Variants in IFFO1 observed in about 807,000 individuals in gnomAD.
IFFO1 encodes the protein non-homologous end joining factor IFFO1.
IFFO1 carries 42 observed loss-of-function variants against 59.6 expected under a neutral mutation model. The observed-to-expected ratio is 0.70, with a 90% CI of 0.55 to 0.91. The LOEUF (loss-of-function observed/expected upper bound fraction) is 0.91, where lower values mean the gene tolerates loss of function less well. IFFO1 is among the 40% of genes least tolerant of loss of function. The pLI is 0.00. For synonymous variants in IFFO1, 336 were observed against 342.8 expected (o/e 0.98, Z 0.22); for missense variants, 711 against 793.2 (o/e 0.90, Z 1.24).
rs756409183 is a variant in IFFO1 at position 6,555,775 on chromosome 12, G to C, written c.255C>G (p.Arg85=). ...NVLKTLNLRF[R]CFLAKVHELE... ...GCTCATGCACCTTGGCCAGGAAGCAGCGGAACCGGAGGTTCAGGGTCTTGA... is the reference window on the plus strand; with the variant it reads ...GCTCATGCACCTTGGCCAGGAAGCACCGGAACCGGAGGTTCAGGGTCTTGA... Residue 85 remains arginine, a synonymous_variant, in exon 1 of 10, where the codon CGC becomes CGG. Transcript: ENST00000619571. The surrounding 1 kb of genome is among the most constrained non-coding windows in gnomAD (Gnocchi z 8.6). 1 of 1,613,256 alleles carries C rather than the reference G, an allele frequency of 6.2e-7. No individual in the cohort carries two copies. Among genetic ancestry groups the C allele is most frequent in the South Asian group, 1.1e-5 (1 of 91,042 alleles).
chr12:6,553,084 G>T (rs528025781), intron 1 of IFFO1, among the ~76,000 whole-genome samples: 2 of 152,288 alleles, frequency 1.3e-5, no homozygotes, highest in East Asian at 3.9e-4. Context: ...ACCTCCCAGT[G>T]TAGCGCTCAA....
intron 8 of IFFO1, among the ~76,000 whole-genome samples, chr12:6,545,847 G>A (rs1470058399): frequency 4.6e-5 from 7 of 152,182 alleles, no homozygotes; most frequent in African/African-American, 1.7e-4. Flanking sequence ...GGCAGTGCCC[G>A]TGTTCAAGGA....
chr12:6,549,787 C>T lies in IFFO1; in HGVS notation c.1040G>A (p.Arg347His), dbSNP rs775415991. 8 of 1,613,926 alleles carry T rather than the reference C, an allele frequency of 5.0e-6. No homozygotes were observed. In the African/African-American group the frequency reaches 5.3e-5, roughly 11 times the overall value. Residue 347 changes from arginine (R) to histidine (H), a missense_variant, in exon 4 of 10, where the codon CGC becomes CAC. Arg to His is a conservative substitution (Grantham distance 29). Around this residue, in one of 3 missense-constraint regions of IFFO1, gnomAD observed 579 missense variants for 650.3 expected, o/e 0.89. Coordinates refer to ENST00000619571, the MANE Select transcript of IFFO1 (RefSeq NM_001193457.2). This position sits in a 1 kb window ranked among gnomAD's most constrained non-coding sequence, Gnocchi z 5.0. ...CATCTGGATCATGTCCTCGCAGTTG[C>T]GCTGCTGAGCCACATCGCAGAGCTT... Reference protein sequence around the residue: ...TAKLCDVAQQRNCEDMIQMFQ... With the variant: ...TAKLCDVAQQHNCEDMIQMFQ...
chr12:6,549,613 C>T lies in IFFO1; in HGVS notation c.1072-129G>A. On this transcript the variant is annotated intron_variant, in intron 4 of 9. Coordinates refer to ENST00000619571, the MANE Select transcript of IFFO1 (RefSeq NM_001193457.2). This position sits in a 1 kb window ranked among gnomAD's most constrained non-coding sequence, Gnocchi z 5.0. ...TGCCCCTCCTGATGCTGCTCCTTAC[C>T]CCCCAGTCTAGCCCCGTGAGGGCCC... 1 of 1,355,666 alleles carries T rather than the reference C, an allele frequency of 7.4e-7. No homozygotes were observed. The highest frequency in any genetic ancestry group is 1.0e-6 in the Non-Finnish European group (1 of 961,068). 84.0% of individuals were successfully genotyped at this position (1,355,666 alleles called of 1,614,324 possible).
At position 6,550,796 on chromosome 12, in the gene IFFO1, G is replaced by A. The variant is rs751851967; in HGVS notation, c.835-6C>T. On this transcript the variant is annotated splice_polypyrimidine_tract_variant and splice_region_variant and intron_variant, in intron 2 of 9. Coordinates refer to ENST00000619571, the MANE Select transcript of IFFO1 (RefSeq NM_001193457.2). ...GCATCAGCCTCCTGGGCTTCCTGCAGTTGGGAGAAACCCTGATGTTGGTGG... is the reference window on the plus strand; with the variant it reads ...GCATCAGCCTCCTGGGCTTCCTGCAATTGGGAGAAACCCTGATGTTGGTGG... The A allele has an allele frequency of 6.2e-6, 10 of 1,613,724 alleles. No homozygotes were observed. The highest frequency in any genetic ancestry group is 2.2e-5 in the East Asian group (1 of 44,872).
At chr12:6,550,318 C>T (rs1002065954) in intron 3 of IFFO1, 1 of 380,168 alleles carries the variant, frequency 2.6e-6, no homozygotes, top group Non-Finnish European at 4.8e-6. Context: ...GGCACTGTCC[C>T]GAGTACATGA....
At position 6,555,491 on chromosome 12, in the gene IFFO1, G is replaced by T; in HGVS notation, c.539C>A (p.Ser180Tyr). 1 of 1,607,264 alleles carries T rather than the reference G, an allele frequency of 6.2e-7. No homozygotes were observed. Among genetic ancestry groups the T allele is most frequent in the Middle Eastern group, 1.7e-4 (1 of 5,994 alleles). Residue 180 changes from serine (S) to tyrosine (Y), a missense_variant, in exon 1 of 10, where the codon TCC (serine) becomes TAC (tyrosine). Transcript: ENST00000619571. This position sits in a 1 kb window ranked among gnomAD's most constrained non-coding sequence, Gnocchi z 8.6. Reference protein sequence around the residue: ...SAASLSSSSTSTSTTYSSSAR... With the variant: ...SAASLSSSSTYTSTTYSSSAR... ...CGACGAGGAATAGGTGGTGGAGGTG[G>T]AGGTGGAGGACGACGAGAGGCTGGC...
intron 8 of IFFO1, among the ~76,000 whole-genome samples, chr12:6,544,050 C>T (rs551220255): frequency 2.6e-5 from 4 of 152,252 alleles, no homozygotes; most frequent in East Asian, 1.9e-4. Context: ...TCATTTCCCC[C>T]GGGTCAGTGG....
In IFFO1 at chr12:6,548,604, G is replaced by A. The variant is rs1047584227; in HGVS notation, c.1263-59C>T. On this transcript the variant is annotated intron_variant, in intron 6 of 9. Coordinates refer to ENST00000619571, the MANE Select transcript of IFFO1 (RefSeq NM_001193457.2). The surrounding 1 kb of genome is among the most constrained non-coding windows in gnomAD (Gnocchi z 6.1). ...GGGGCCTCGTCCTGGCGGGGGACTG[G>A]GGAGCTCCGGCCTCCTGGGCTGCTG... 4 of 1,613,560 alleles carry A rather than the reference G, an allele frequency of 2.5e-6. No homozygotes were observed. The Admixed American group carries it at 6.7e-5, about 27-fold the overall frequency.
chr12:6,540,073 T>C lies in IFFO1; in HGVS notation c.*410A>G. ...CCAGCTGCATTCTATTCCACTCCAG[T>C]GCCTGGGCCAGTTAGCACCAGTGTG... On this transcript the variant is annotated 3_prime_UTR_variant, in exon 10 of 10. Coordinates refer to ENST00000619571, the MANE Select transcript of IFFO1 (RefSeq NM_001193457.2). 1 of 261,382 alleles carries C rather than the reference T, an allele frequency of 3.8e-6. No homozygotes were observed. The highest frequency in any genetic ancestry group is 7.5e-6 in the Non-Finnish European group (1 of 132,514). The allele number at this position is 261,382 out of a possible 1,614,324, so 16.2% of individuals were successfully genotyped here.
rs972564952 is a variant in IFFO1 at position 6,548,165 on chromosome 12, A to T, written c.1384-5T>A. On this transcript the variant is annotated splice_region_variant and splice_polypyrimidine_tract_variant and intron_variant, in intron 7 of 9. Coordinates refer to ENST00000619571, the MANE Select transcript of IFFO1 (RefSeq NM_001193457.2). The surrounding 1 kb of genome is among the most constrained non-coding windows in gnomAD (Gnocchi z 6.1). ...CTCCAGGCTATCTTCCTGCTGCTGG[A>T]GTAGAAAGGGAAGCGGGGGAGGCCA... 1 of 1,613,030 alleles carries T rather than the reference A, an allele frequency of 6.2e-7. No individual in the cohort carries two copies. Among genetic ancestry groups the T allele is most frequent in the Admixed American group, 1.7e-5 (1 of 59,998 alleles).
At chr12:6,540,633 C>T in intron 9 of IFFO1, 45 bp from the exon 10 acceptor site, 1 of 1,510,656 alleles carries the variant, frequency 6.6e-7, no homozygotes, top group Non-Finnish European at 9.2e-7. Context: ...GGCAGGAATC[C>T]TGAAGACGGA....
At chr12:6,545,638 C>T (rs916808051) in intron 8 of IFFO1, among the ~76,000 whole-genome samples, 1 of 150,914 alleles carries the variant, frequency 6.6e-6, no homozygotes, top group African/African-American at 2.4e-5. Flanking sequence ...GTGGAGCTTG[C>T]AGTGAGCCGA....
Position 6,540,406 on chromosome 12 carries a change from C to T in IFFO1, c.*77G>A. The T allele has an allele frequency of 1.7e-6, 2 of 1,168,452 alleles. No homozygotes were observed. Among genetic ancestry groups the T allele is most frequent in the Non-Finnish European group, 1.3e-6 (1 of 776,036 alleles). The allele number at this position is 1,168,452 out of a possible 1,614,324, so 72.4% of individuals were successfully genotyped here. Reference sequence around the variant, plus strand: ...TGGTGCAGAGCTGCAGCTGATGTTCCCCTCTGTGCAGCCCCACCCTCTGCC... The same window carrying T: ...TGGTGCAGAGCTGCAGCTGATGTTCTCCTCTGTGCAGCCCCACCCTCTGCC... On this transcript the variant is annotated 3_prime_UTR_variant, in exon 10 of 10. Coordinates refer to ENST00000619571, the MANE Select transcript of IFFO1 (RefSeq NM_001193457.2).
At chr12:6,547,753 G>GAGAAAGGA (rs1555145800) in intron 8 of IFFO1, among the ~76,000 whole-genome samples, 2 of 150,342 alleles carry the variant, frequency 1.3e-5, no homozygotes, top group Non-Finnish European at 3.0e-5. Flanking sequence ...GAGAGAGAGA[G>GAGAAAGGA]AGAAAGGAAG....
In IFFO1 at chr12:6,548,418, A is replaced by G; in HGVS notation, c.1383+7T>C. On this transcript the variant is annotated splice_region_variant and intron_variant, in intron 7 of 9. Coordinates refer to ENST00000619571, the MANE Select transcript of IFFO1 (RefSeq NM_001193457.2). The surrounding 1 kb of genome is among the most constrained non-coding windows in gnomAD (Gnocchi z 6.1). ...CAGAGGGCCCTGAGGCCGGGAGCAG[A>G]GGTTACCTCTCCCTGGGCCTCTGCA... is the stretch of plus-strand genomic sequence containing the variant. The G allele has an allele frequency of 6.2e-7, 1 of 1,606,328 alleles. No individual in the cohort carries two copies. The highest frequency in any genetic ancestry group is 8.5e-7 in the Non-Finnish European group (1 of 1,176,056).
intron 1 of IFFO1, 127 bp from the exon 2 acceptor site, chr12:6,551,128 C>T (rs1947215151): frequency 1.1e-6 from 1 of 906,786 alleles, no homozygotes; most frequent in Non-Finnish European, 1.7e-6. Flanking sequence ...TGGGGAGGAG[C>T]AGGGCACAGG....
rs1946686798 is a variant in IFFO1 at position 6,541,024 on chromosome 12, A to AG, written c.1611-437_1611-436insC. Among the ~76,000 whole-genome samples, 1 of 150,194 alleles carries AG rather than the reference A, an allele frequency of 6.7e-6. No homozygotes were observed. Among genetic ancestry groups the AG allele is most frequent in the Admixed American group, 6.6e-5 (1 of 15,094 alleles). On this transcript the variant is annotated intron_variant, in intron 9 of 9. Transcript: ENST00000619571. This position sits in a 1 kb window ranked among gnomAD's most constrained non-coding sequence, Gnocchi z 4.8. ...GGAGGCGGAGGTTGTAGTGAGCCAAAAAAAAAAAAAAAAGAAATAGCTGAA... is the reference window on the plus strand; with the variant it reads ...GGAGGCGGAGGTTGTAGTGAGCCAAAGAAAAAAAAAAAAAGAAATAGCTGAA...
At chr12:6,547,946 C>T in intron 8 of IFFO1, 119 bp downstream of exon 8, 4 of 767,036 alleles carry the variant, frequency 5.2e-6, no homozygotes, top group Non-Finnish European at 9.4e-6. Flanking sequence ...TGAGAGATCA[C>T]TCCTCCTCCC....
Sources: allele counts gnomAD v4.1 joint callset (sites outside exome capture counted in the v4.1 genomes callset), GRCh38; gene constraint gnomAD v4.1.1; regional missense constraint gnomAD v4.1.1; non-coding constraint Gnocchi (gnomAD v3.1); transcripts MANE v1.5; gene names NCBI Gene and HGNC (gene_info 2026-07-23, HGNC 2026-07-21).